VIPAS39: variants seen among roughly 807,000 people sequenced by gnomAD.
The protein encoded by VIPAS39 is spermatogenesis-defective protein 39 homolog.
Under a neutral mutation model 84.7 loss-of-function variants are expected in VIPAS39, and 63 were observed. The ratio of observed to expected loss-of-function variants is 0.74; its 90% confidence interval spans 0.61 to 0.92. VIPAS39 has a LOEUF of 0.92. Ranked by LOEUF, VIPAS39 falls within the 40% of genes least tolerant of loss-of-function variation. VIPAS39 has a pLI of 0.00. For missense variants in VIPAS39, 499 were observed against 604.5 expected (o/e 0.83, Z 1.83); for synonymous variants, 192 against 216.5 (o/e 0.89, Z 0.99).
At position 77,427,513 on chromosome 14, in the gene VIPAS39, G is replaced by T; in HGVS notation, c.*103C>A. 1 of 1,469,708 alleles carries T rather than the reference G, an allele frequency of 6.8e-7. No homozygotes were observed. Among genetic ancestry groups the T allele is most frequent in the Non-Finnish European group, 9.5e-7 (1 of 1,050,576 alleles). 91.0% of individuals were successfully genotyped at this position (1,469,708 alleles called of 1,614,324 possible). A position where few individuals can be genotyped will look rare whatever the true frequency, so the allele number is the denominator to read the frequency against. On this transcript the variant is annotated 3_prime_UTR_variant, in exon 20 of 20. Coordinates refer to ENST00000557658, the MANE Select transcript of VIPAS39 (RefSeq NM_001193315.2). The stretch of plus-strand genomic sequence containing the variant: ...AGCTGGCACTGCCCATGGGTAATGG[G>T]CCCAAGCGATGTGATGCCGCAGCTC...
At chr14:77,440,967 C>A in intron 11 of VIPAS39, 99 bp downstream of exon 11, 2 of 1,471,354 alleles carry the variant, frequency 1.4e-6, no homozygotes, top group Non-Finnish European at 9.4e-7. Flanking sequence ...ATCCACCCAC[C>A]TCGGCCTCCC....
intron 12 of VIPAS39, among the ~76,000 whole-genome samples, chr14:77,437,264 T>A (rs1205246950): frequency 6.6e-6 from 1 of 152,220 alleles, no homozygotes; most frequent in Admixed American, 6.5e-5. Context: ...TAACGAAGGT[T>A]GTTCAAAAAC....
Position 77,427,525 on chromosome 14 carries a change from T to C in VIPAS39, c.*91A>G, listed in dbSNP as rs1376529775. ...CCATGGGTAATGGGCCCAAGCGATG[T>C]GATGCCGCAGCTCTCCCAAAGAAGA... On this transcript the variant is annotated 3_prime_UTR_variant, in exon 20 of 20. Transcript: ENST00000557658. 1 of 1,550,596 alleles carries C rather than the reference T, an allele frequency of 6.4e-7. No individual in the cohort carries two copies. Among genetic ancestry groups the C allele is most frequent in the African/African-American group, 1.4e-5 (1 of 73,578 alleles).
At position 77,444,260 on chromosome 14, in the gene VIPAS39, C is replaced by T. The variant is rs1432218494; in HGVS notation, c.586G>A (p.Val196Ile). 7 of 1,613,462 alleles carry T rather than the reference C, an allele frequency of 4.3e-6. No homozygotes were observed. In the South Asian group the frequency reaches 5.5e-5, roughly 13 times the overall value. The change falls in exon 8 of 20, where the codon GTC becomes ATC. Residue 196 changes from valine (V) to isoleucine (I), a missense_variant. Val to Ile is a conservative substitution (Grantham distance 29). Coordinates refer to ENST00000557658, the MANE Select transcript of VIPAS39 (RefSeq NM_001193315.2). ...ATCCGACAACTCACTGCAGTAATGA[C>T]GTTTCCATCATGCATGCTTACTGCC... ...EEAVSMHDGN[V>I]ITAVLIFLKR... is the part of the protein sequence containing the mutation.
intron 1 of VIPAS39, 109 bp downstream of exon 1, chr14:77,457,386 C>T: frequency 6.5e-7 from 1 of 1,535,580 alleles, no homozygotes; most frequent in Non-Finnish European, 8.7e-7. Flanking sequence ...AGAATCAGGC[C>T]TGTAGTCATA....
intron 1 of VIPAS39, among the ~76,000 whole-genome samples, chr14:77,454,494 G>A (rs2078930952): frequency 6.6e-6 from 1 of 152,092 alleles, no homozygotes; most frequent in Non-Finnish European, 1.5e-5. Context: ...GACCAACATG[G>A]AGAAACCCCG....
chr14:77,432,853 T>C (rs2078544897), intron 16 of VIPAS39, among the ~76,000 whole-genome samples: 1 of 152,210 alleles, frequency 6.6e-6, no homozygotes, highest in South Asian at 2.1e-4. Flanking sequence ...TAGTGTATAC[T>C]GGAAATTTGC....
chr14:77,452,711 C>T (rs750808974), intron 3 of VIPAS39, among the ~76,000 whole-genome samples: 6 of 134,184 alleles, frequency 4.5e-5, no homozygotes, highest in African/African-American at 1.1e-4. Flanking sequence ...ACCTGGGAGG[C>T]GGAGGTTGCA....
At chr14:77,429,183 CAA>C (rs1484139074) in intron 17 of VIPAS39, 88 bp from the exon 18 acceptor site, 1 of 1,127,484 alleles carries the variant, frequency 8.9e-7, no homozygotes, top group African/African-American at 1.5e-5. Flanking sequence ...CTGAAGAAGG[CAA>C]AAGAGTTCAA....
chr14:77,449,172 A>C, intron 6 of VIPAS39, 121 bp downstream of exon 6: 3 of 1,158,454 alleles, frequency 2.6e-6, no homozygotes, highest in Non-Finnish European at 3.9e-6. Context: ...CCAGTTTTCT[A>C]ATCTATAAAA....
At position 77,428,381 on chromosome 14, in the gene VIPAS39, G is replaced by A. The variant is rs75211061; in HGVS notation, c.1450C>T (p.Leu484Phe). Residue 484 changes from leucine (L) to phenylalanine (F), a missense_variant, in exon 19 of 20, where the codon CTC becomes TTC. Physicochemically the swap from Leu to Phe is conservative, Grantham distance 22. Coordinates refer to ENST00000557658, the MANE Select transcript of VIPAS39 (RefSeq NM_001193315.2). ...CTGTAGCTGCTCACCGAGCTGCTGA[G>A]AAGAGCATCAATCTTCTCCTCCTCT... is the stretch of plus-strand genomic sequence containing the variant. ...SAEEEKIDALLSSSQIRWKN is the reference protein window; with the variant it reads ...SAEEEKIDALFSSSQIRWKN The A allele has an allele frequency of 1.2e-3, 2,007 of 1,613,954 alleles. 42 individuals are homozygous for A. In the East Asian group the frequency reaches 0.037, roughly 30 times the overall value.
In VIPAS39 at chr14:77,427,531, C is replaced by T; in HGVS notation, c.*85G>A. The T allele has an allele frequency of 1.2e-5, 18 of 1,564,950 alleles. No individual in the cohort carries two copies. In the South Asian group the frequency reaches 1.4e-4, roughly 13 times the overall value. On this transcript the variant is annotated 3_prime_UTR_variant, in exon 20 of 20. Coordinates refer to ENST00000557658, the MANE Select transcript of VIPAS39 (RefSeq NM_001193315.2). Reference sequence around the variant, plus strand: ...GTAATGGGCCCAAGCGATGTGATGCCGCAGCTCTCCCAAAGAAGAGCTCTC... The same window carrying T: ...GTAATGGGCCCAAGCGATGTGATGCTGCAGCTCTCCCAAAGAAGAGCTCTC...
intron 3 of VIPAS39, among the ~76,000 whole-genome samples, chr14:77,451,639 A>G (rs2078883379): frequency 1.3e-5 from 2 of 152,204 alleles, no homozygotes; most frequent in Admixed American, 1.3e-4. Context: ...GCTCTGGAGT[A>G]CAGTGGCTAT....
intron 16 of VIPAS39, 141 bp from the exon 17 acceptor site, chr14:77,429,908 A>G: frequency 1.3e-6 from 1 of 786,790 alleles, no homozygotes; most frequent in South Asian, 1.4e-5. Flanking sequence ...TGAGAAATGA[A>G]TTTTTCAGAA....
Position 77,444,277 on chromosome 14 carries a change from C to G in VIPAS39, c.569G>C (p.Ser190Thr), listed in dbSNP as rs1317132284. 1 of 1,613,822 alleles carries G rather than the reference C, an allele frequency of 6.2e-7. No homozygotes were observed. ...AGTAATGACGTTTCCATCATGCATGCTTACTGCCTCTTCTAGGAGTTGTAG... is the reference window on the plus strand; with the variant it reads ...AGTAATGACGTTTCCATCATGCATGGTTACTGCCTCTTCTAGGAGTTGTAG... The part of the protein sequence containing the change: ...DKLQLLEEAV[S>T]MHDGNVITAV... The change falls in exon 8 of 20, where the codon AGC becomes ACC. Residue 190 changes from serine (S) to threonine (T), a missense_variant. Physicochemically the swap from Ser to Thr is moderately conservative, Grantham distance 58. Transcript: ENST00000557658.
Position 77,451,848 on chromosome 14 carries a change from C to A in VIPAS39, c.197-515G>T, listed in dbSNP as rs186524317. Among the ~76,000 whole-genome samples the A allele has an allele frequency of 1.5e-3, 232 of 152,252 alleles. 2 individuals carry two copies. The highest frequency in any genetic ancestry group is 3.1e-3 in the South Asian group (15 of 4,816). On this transcript the variant is annotated intron_variant, in intron 3 of 19. Coordinates refer to ENST00000557658, the MANE Select transcript of VIPAS39 (RefSeq NM_001193315.2). ...CAAAAGCTTGATAATACCGTGTTAG[C>A]CAGGCTATAGGGAAACTGGAACCCT...
chr14:77,449,439 AT>A (rs1475657342), intron 5 of VIPAS39, 82 bp from the exon 6 acceptor site: 13 of 1,565,640 alleles, frequency 8.3e-6, no homozygotes, highest in South Asian at 7.8e-5. Flanking sequence ...TCGTTCTCAC[AT>A]TTTTTTGACT....
At chr14:77,457,248 G>A in intron 1 of VIPAS39, 1 of 1,533,814 alleles carries the variant, frequency 6.5e-7, no homozygotes, top group Non-Finnish European at 8.7e-7. Context: ...AGAGCCCAGC[G>A]GATCCCTGGC....
chr14:77,451,051 C>T (rs2078872993), intron 4 of VIPAS39, 136 bp downstream of exon 4: 3 of 1,300,978 alleles, frequency 2.3e-6, no homozygotes, highest in Non-Finnish European at 3.3e-6. Flanking sequence ...TCGCTCCTAA[C>T]ACCCAGCTGC....
Sources: gnomAD v4.1 joint callset for allele counts (sites outside exome capture counted in the v4.1 genomes callset) on GRCh38, gnomAD v4.1.1 for gene constraint, MANE v1.5 for transcripts, NCBI Gene and HGNC (gene_info 2026-07-23, HGNC 2026-07-21) for gene names.